BLVRA: variants seen among roughly 807,000 people sequenced by gnomAD.
BLVRA encodes the protein biliverdin reductase A.
BLVRA carries 22 observed loss-of-function variants against 32.8 expected under a neutral mutation model. The ratio of observed to expected loss-of-function variants is 0.67; its 90% confidence interval spans 0.48 to 0.96. The LOEUF (loss-of-function observed/expected upper bound fraction) is 0.96, where lower values mean the gene tolerates loss of function less well. BLVRA is among the 40% of genes least tolerant of loss of function. BLVRA has a pLI of 0.00. For synonymous variants in BLVRA, 119 were observed against 141.3 expected (o/e 0.84, Z 1.12); for missense variants, 323 against 358.1 (o/e 0.90, Z 0.79).
intron 7 of BLVRA, 143 bp from the exon 8 acceptor site, chr7:43,806,834 C>G: frequency 2.3e-6 from 2 of 873,280 alleles, no homozygotes; most frequent in Non-Finnish European, 3.8e-6. Context: ...GACACAGTCA[C>G]CCACAGCCTC....
chr7:43,774,335 C>A (rs902494835), intron 2 of BLVRA, among the ~76,000 whole-genome samples: 10 of 152,216 alleles, frequency 6.6e-5, no homozygotes, highest in African/African-American at 2.4e-4. Flanking sequence ...AGGAAGGGAT[C>A]CAGTTTCAGC....
intron 1 of BLVRA, among the ~76,000 whole-genome samples, chr7:43,763,718 T>C (rs372447181): frequency 2.6e-5 from 4 of 152,372 alleles, no homozygotes; most frequent in Admixed American, 1.3e-4. Context: ...AACTCATGTG[T>C]GCTGTTTGTT....
intron 5 of BLVRA, among the ~76,000 whole-genome samples, chr7:43,796,377 A>T (rs1166733790): frequency 6.6e-6 from 1 of 152,164 alleles, no homozygotes; most frequent in Non-Finnish European, 1.5e-5. Context: ...ATAACTAGTA[A>T]GGAGATTGAA....
intron 6 of BLVRA, among the ~76,000 whole-genome samples, chr7:43,801,435 G>A (rs532186061): frequency 6.6e-6 from 1 of 152,162 alleles, no homozygotes; most frequent in Non-Finnish European, 1.5e-5. Flanking sequence ...TTCTCTGGCC[G>A]TATCGTTGGG....
At chr7:43,798,332 T>C (rs2095795117) in intron 5 of BLVRA, among the ~76,000 whole-genome samples, 1 of 152,096 alleles carries the variant, frequency 6.6e-6, no homozygotes, top group Non-Finnish European at 1.5e-5. Flanking sequence ...GACGGGCTTT[T>C]CCACTGAAAG....
chr7:43,772,277 G>A (rs1391944081), intron 2 of BLVRA, among the ~76,000 whole-genome samples: 2 of 152,248 alleles, frequency 1.3e-5, no homozygotes, highest in African/African-American at 4.8e-5. Context: ...GGCAGTTGGG[G>A]CCACATATGT....
In BLVRA at chr7:43,770,064, G is replaced by C. The variant is rs146668713; in HGVS notation, c.-21-1074G>C. 2.8e-4 allele frequency among the ~76,000 whole-genome samples: 43 copies of C among 152,312 alleles called. 1 individual carries two copies. In the East Asian group the frequency reaches 8.1e-3, roughly 29 times the overall value. ...GTTCTCATCCCTGTGCTTAACCAAA[G>C]AGAATGAGATCAAATGCTGTGCTGG... On this transcript the variant is annotated intron_variant, in intron 1 of 7. Coordinates refer to ENST00000265523, the MANE Select transcript of BLVRA (RefSeq NM_000712.4).
At chr7:43,791,547 T>C in intron 4 of BLVRA, 179 bp downstream of exon 4, 2 of 650,496 alleles carry the variant, frequency 3.1e-6, no homozygotes, top group Admixed American at 2.8e-5. Context: ...TGGTTATAAA[T>C]ATATAAGGAA....
intron 1 of BLVRA, among the ~76,000 whole-genome samples, chr7:43,763,650 A>T (rs939624592): frequency 5.9e-5 from 9 of 152,218 alleles, no homozygotes; most frequent in African/African-American, 2.2e-4. Context: ...ATGTCGTGTC[A>T]TTCTCTTTTT....
intron 1 of BLVRA, chr7:43,764,096 T>A (rs1248101467): frequency 6.6e-6 from 1 of 152,240 alleles, no homozygotes; most frequent in Non-Finnish European, 1.5e-5. Flanking sequence ...ATTGAGCTTT[T>A]AAAATGTTAG....
intron 6 of BLVRA, among the ~76,000 whole-genome samples, chr7:43,802,704 T>C (rs2095799903): frequency 6.6e-6 from 1 of 152,118 alleles, no homozygotes; most frequent in Admixed American, 6.6e-5. Context: ...TCTTGCTATG[T>C]TGCCTAGGCT....
chr7:43,789,126 G>C (rs1585731938), intron 3 of BLVRA, among the ~76,000 whole-genome samples: 1 of 152,110 alleles, frequency 6.6e-6, no homozygotes, highest in East Asian at 1.9e-4. Flanking sequence ...ACAGGCACCA[G>C]ACTAATCCTG....
chr7:43,799,717 A>C (rs2095796613), intron 5 of BLVRA, among the ~76,000 whole-genome samples: 1 of 151,890 alleles, frequency 6.6e-6, no homozygotes, highest in Non-Finnish European at 1.5e-5. Context: ...TAGGCAATCC[A>C]CTTGCCTTGG....
chr7:43,794,115 T>C (rs2095789166), intron 5 of BLVRA, among the ~76,000 whole-genome samples: 2 of 151,734 alleles, frequency 1.3e-5, no homozygotes, highest in Non-Finnish European at 2.9e-5. Flanking sequence ...TGGTGGTGCA[T>C]ACCGGTAGTC....
chr7:43,771,095 C>T (rs1352121015), intron 1 of BLVRA, 43 bp from the exon 2 acceptor site: 15 of 1,577,658 alleles, frequency 9.5e-6, no homozygotes, highest in East Asian at 2.2e-5. Context: ...GGAGTTTGGG[C>T]AGGTGCCACC....
chr7:43,804,128 T>C (rs753588551), intron 7 of BLVRA, among the ~76,000 whole-genome samples: 2 of 152,254 alleles, frequency 1.3e-5, no homozygotes, highest in African/African-American at 4.8e-5. Flanking sequence ...AAGTCATTCA[T>C]AGCAGATTAG....
At chr7:43,764,482 A>G (rs1158454361) in intron 1 of BLVRA, among the ~76,000 whole-genome samples, 3 of 152,318 alleles carry the variant, frequency 2.0e-5, no homozygotes, top group Middle Eastern at 3.4e-3. Context: ...CTCCTGTTAT[A>G]TTAAGATCAC....
rs1052813513 is a variant in BLVRA, at chr7:43,790,444, AACACACACACAGAC to A, written c.135-793_135-780del. Among the ~76,000 whole-genome samples the A allele has an allele frequency of 4.6e-5, 7 of 151,274 alleles. No individual in the cohort carries two copies. The East Asian group carries it at 1.4e-3, about 29-fold the overall frequency. ...GGAGGAAGACACACACACACACACA[AACACACACACAGAC>A]ACACACACACACAAACATGTGTGCG... is the stretch of plus-strand genomic sequence containing the variant. On this transcript the variant is annotated intron_variant, in intron 3 of 7. Coordinates refer to ENST00000265523, the MANE Select transcript of BLVRA (RefSeq NM_000712.4).
At chr7:43,778,874 CAGCCTTGCTG>C (rs1359085389) in intron 2 of BLVRA, among the ~76,000 whole-genome samples, 2 of 152,262 alleles carry the variant, frequency 1.3e-5, no homozygotes, top group Non-Finnish European at 2.9e-5. Context: ...GCCCCTCCCC[CAGCCTTGCTG>C]CCACCTTGCA....
Sources: gnomAD v4.1 joint callset for allele counts (sites outside exome capture counted in the v4.1 genomes callset) on GRCh38, gnomAD v4.1.1 for gene constraint, MANE v1.5 for transcripts, NCBI Gene and HGNC (gene_info 2026-07-23, HGNC 2026-07-21) for gene names.